Variants in PDE1C observed in about 807,000 individuals in gnomAD.
PDE1C encodes dual specificity calcium/calmodulin-dependent 3',5'-cyclic nucleotide phosphodiesterase 1C.
Under a neutral mutation model 93.1 loss-of-function variants are expected in PDE1C, and 62 were observed. The observed-to-expected ratio is 0.67, with a 90% CI of 0.54 to 0.82. The LOEUF (loss-of-function observed/expected upper bound fraction) is 0.82. PDE1C is among the 40% of genes least tolerant of loss of function. The pLI is 0.00. For missense variants in PDE1C, 742 were observed against 884.6 expected, an observed-to-expected ratio of 0.84 and a Z score of 2.04; for synonymous variants, 325 against 310.1, an observed-to-expected ratio of 1.05 and a Z score of -0.50.
the PDE1C span, chr7:31,651,015 C>G: frequency 1.0e-6 from 1 of 996,378 alleles, no homozygotes; most frequent in Non-Finnish European, 1.4e-6. Flanking sequence ...TTCCCTCCCC[C>G]TTATATTAGC....
intron 11 of PDE1C, among the ~76,000 whole-genome samples, chr7:31,831,844 AT>A (rs1462767337): frequency 6.6e-6 from 1 of 152,082 alleles, no homozygotes; most frequent in African/African-American, 2.4e-5. Context: ...AGAAGGAAGT[AT>A]TATACCATCA....
At chr7:31,970,300 AAGG>A (rs1463191478) in intron 2 of PDE1C, among the ~76,000 whole-genome samples, 1 of 152,172 alleles carries the variant, frequency 6.6e-6, no homozygotes, top group Admixed American at 6.5e-5. Context: ...ATGAAACCAG[AAGG>A]ATATCTTTAT....
chr7:32,063,519 T>C (rs970203425), intron 1 of PDE1C, among the ~76,000 whole-genome samples: 1 of 152,200 alleles, frequency 6.6e-6, no homozygotes, highest in Non-Finnish European at 1.5e-5. Context: ...ATTAAGCACT[T>C]TGCTGCTAAA....
At chr7:31,944,039 A>G (rs1259411312) in intron 2 of PDE1C, among the ~76,000 whole-genome samples, 1 of 152,150 alleles carries the variant, frequency 6.6e-6, no homozygotes, top group Non-Finnish European at 1.5e-5. Flanking sequence ...AGCTGCCAAC[A>G]CCATTCTCAG....
rs531155040 is a variant in PDE1C, at chr7:31,946,538, T to A, written c.129-65678A>T. ...AACTAGAAGAACATGTTCCCCATTATCTCAAGTACCAGAATATGTTCCATA... is the reference window on the plus strand; with the variant it reads ...AACTAGAAGAACATGTTCCCCATTAACTCAAGTACCAGAATATGTTCCATA... On this transcript the variant is annotated intron_variant, in intron 2 of 17. Coordinates refer to ENST00000396191, the MANE Select transcript of PDE1C (RefSeq NM_001191057.4). Among the ~76,000 whole-genome samples, 349 of 152,322 alleles carry A rather than the reference T, an allele frequency of 2.3e-3. 2 individuals are homozygous for A. Among genetic ancestry groups the A allele is most frequent in the Non-Finnish European group, 4.3e-3 (290 of 68,028 alleles).
chr7:32,186,422 G>A (rs1297819117), intron 2 of PDE1C, among the ~76,000 whole-genome samples: 1 of 151,834 alleles, frequency 6.6e-6, no homozygotes, highest in African/African-American at 2.4e-5. Context: ...TTTTAAATCA[G>A]AGAATTTCTA....
chr7:32,332,578 C>G (rs1261848291), intron 1 of PDE1C, among the ~76,000 whole-genome samples: 1 of 152,096 alleles, frequency 6.6e-6, no homozygotes, highest in South Asian at 2.1e-4. Context: ...CCAGAATATA[C>G]ATACCACAAT....
At position 32,174,988 on chromosome 7, in the gene PDE1C, T is replaced by C. The variant is rs115708296; in HGVS notation, c.137-5032A>G. Among the ~76,000 whole-genome samples, 589 of 152,282 alleles carry C rather than the reference T, an allele frequency of 3.9e-3. 3 individuals carry two copies. Among genetic ancestry groups the C allele is most frequent in the African/African-American group, 0.013 (550 of 41,560 alleles). The stretch of plus-strand genomic sequence containing the variant: ...TGAATTCATAAGAGCTTTTTCACCG[T>C]TTTCTCAGTCAATGAATCAGAAGGA... On this transcript the variant is annotated intron_variant, in intron 2 of 18. Transcript: ENST00000396193.
At chr7:31,970,622 C>T (rs953738109) in intron 2 of PDE1C, among the ~76,000 whole-genome samples, 9 of 152,184 alleles carry the variant, frequency 5.9e-5, no homozygotes, top group Non-Finnish European at 1.2e-4. Context: ...ACTTGTAAAA[C>T]TATTTTCACT....
At chr7:31,646,142 TTTAG>T in the PDE1C span, among the ~76,000 whole-genome samples, 1 of 152,190 alleles carries the variant, frequency 6.6e-6, no homozygotes, top group Non-Finnish European at 1.5e-5. Flanking sequence ...TTAAGTCATA[TTTAG>T]TTGTCTATTT....
chr7:32,119,794 G>A (rs996540653), intron 3 of PDE1C, among the ~76,000 whole-genome samples: 3 of 152,162 alleles, frequency 2.0e-5, no homozygotes, highest in African/African-American at 7.2e-5. Flanking sequence ...ATGCCTCCAG[G>A]GCATAGGGTC....
At chr7:31,847,924 G>T in intron 9 of PDE1C, 44 bp downstream of exon 9, 1 of 1,606,910 alleles carries the variant, frequency 6.2e-7, no homozygotes, top group South Asian at 1.1e-5. Context: ...CAACTTCAAA[G>T]TTCCTTCCCT....
At chr7:32,180,421 T>G (rs1198418541) in intron 2 of PDE1C, among the ~76,000 whole-genome samples, 1 of 152,238 alleles carries the variant, frequency 6.6e-6, no homozygotes, top group Non-Finnish European at 1.5e-5. Context: ...AAATCCCCAG[T>G]ATAATAGTAT....
chr7:31,806,806 G>A (rs909118775), intron 16 of PDE1C, among the ~76,000 whole-genome samples: 2 of 151,812 alleles, frequency 1.3e-5, no homozygotes, highest in African/African-American at 4.8e-5. Context: ...TCTAGGGGTA[G>A]GGACATTAAA....
chr7:31,695,344 C>T, the PDE1C span: 4 of 796,178 alleles, frequency 5.0e-6, no homozygotes, highest in Non-Finnish European at 7.5e-6. Context: ...AATAAATAAA[C>T]ACTTTTCCTT....
At chr7:32,031,899 C>A (rs1440980784) in intron 2 of PDE1C, among the ~76,000 whole-genome samples, 1 of 152,004 alleles carries the variant, frequency 6.6e-6, no homozygotes, top group African/African-American at 2.4e-5. Flanking sequence ...AGGTTTGTAC[C>A]GCAGGAGAAG....
At chr7:31,900,531 A>G (rs767384527) in intron 2 of PDE1C, among the ~76,000 whole-genome samples, 15 of 151,682 alleles carry the variant, frequency 9.9e-5, no homozygotes, top group Non-Finnish European at 1.9e-4. Flanking sequence ...AATTTACTAC[A>G]CAAACATAAT....
chr7:31,625,003 T>C, the PDE1C span, among the ~76,000 whole-genome samples: 25 of 152,042 alleles, frequency 1.6e-4, no homozygotes, highest in African/African-American at 5.6e-4. Context: ...ATTTATGCAG[T>C]CAAAAAACAC....
intron 2 of PDE1C, among the ~76,000 whole-genome samples, chr7:32,009,820 T>A (rs1384487322): frequency 6.6e-6 from 1 of 152,174 alleles, no homozygotes; most frequent in Non-Finnish European, 1.5e-5. Context: ...TTAGAACTGA[T>A]CAATCAGTTT....
Sources: gnomAD v4.1 joint callset for allele counts (sites outside exome capture counted in the v4.1 genomes callset) on GRCh38, gnomAD v4.1.1 for gene constraint, MANE v1.5 for transcripts, NCBI Gene and HGNC (gene_info 2026-07-23, HGNC 2026-07-21) for gene names.